Variants in ARHGAP5 observed in about 807,000 individuals in gnomAD.
The protein encoded by ARHGAP5 is rho GTPase-activating protein 5.
A neutral mutation model predicts 116.6 loss-of-function variants in ARHGAP5; 23 were observed. The observed-to-expected ratio is 0.20, with a 90% CI of 0.14 to 0.28. The LOEUF is 0.28. Among genes scored for constraint, ARHGAP5 ranks in the 10% least tolerant of loss-of-function variants. ARHGAP5 has a pLI of 1.00. For missense variants in ARHGAP5, 1,405 were observed against 1,774.8 expected (o/e 0.79, Z 3.74); for synonymous variants, 574 against 602.0 (o/e 0.95, Z 0.68).
chr14:32,154,818 T>C lies in ARHGAP5; in HGVS notation c.4379T>C (p.Ile1460Thr), dbSNP rs202041549. 50 of 1,614,180 alleles carry C rather than the reference T, an allele frequency of 3.1e-5. No individual in the cohort carries two copies. The highest frequency in any genetic ancestry group is 1.8e-4 in the East Asian group (8 of 44,882). The change falls in exon 7 of 7, where the codon ATT becomes ACT. Residue 1460 changes from isoleucine to threonine, a missense_variant. Ile to Thr is a moderately conservative substitution (Grantham distance 89). This residue lies in a region of ARHGAP5 where 85 missense variants were observed against 96.6 expected (regional missense o/e 0.88). Coordinates refer to ENST00000345122, the MANE Select transcript of ARHGAP5 (RefSeq NM_001030055.2). ...GGAGAAATTGTAGAAACGACAAACA[T>C]TGTGGCTCCTCCACCACCTTCAAAC... ...YNGEIVETTN[I>T]VAPPPPSNPG... is the part of the protein sequence containing the mutation.
intron 1 of ARHGAP5, among the ~76,000 whole-genome samples, chr14:32,083,113 T>C (rs2138998812): frequency 6.6e-6 from 1 of 152,370 alleles, no homozygotes; most frequent in South Asian, 2.1e-4. Context: ...AATCCAAATC[T>C]CGTCTATTTT....
chr14:32,090,655 C>A lies in ARHGAP5; in HGVS notation c.-15C>A. On this transcript the variant is annotated 5_prime_UTR_variant, in exon 2 of 7. Transcript: ENST00000345122. ...CTGGTTACCTTTATGAATGTAGAGA[C>A]ATGAGAAGAGAGTTATGATGGCAAA... 1 of 1,565,906 alleles carries A rather than the reference C, an allele frequency of 6.4e-7. No individual in the cohort carries two copies. The highest frequency in any genetic ancestry group is 2.2e-5 in the East Asian group (1 of 44,648).
intron 1 of ARHGAP5, among the ~76,000 whole-genome samples, chr14:32,081,817 C>T (rs538896873): frequency 4.6e-4 from 70 of 152,186 alleles, no homozygotes; most frequent in Middle Eastern, 3.4e-3. Flanking sequence ...AAAATTGTTT[C>T]TTTTTATACT....
chr14:32,090,867 A>G lies in ARHGAP5; in HGVS notation c.198A>G (p.Val66=), dbSNP rs767861732. The change falls in exon 2 of 7, where the codon GTA becomes GTG. Residue 66 remains valine, a synonymous_variant. Coordinates refer to ENST00000345122, the MANE Select transcript of ARHGAP5 (RefSeq NM_001030055.2). ...GCACCATTGACTTTGGAGGACGAGT[A>G]GTAAACAATGATCACTTTTTGTACT... is the stretch of plus-strand genomic sequence containing the variant. ...VLSTIDFGGR[V]VNNDHFLYWG... 5.9e-5 allele frequency: 95 copies of G among 1,613,536 alleles called. No individual in the cohort carries two copies. In the South Asian group the frequency reaches 8.2e-4, roughly 14 times the overall value.
At chr14:32,102,536 C>T (rs1458426234) in intron 2 of ARHGAP5, among the ~76,000 whole-genome samples, 5 of 152,138 alleles carry the variant, frequency 3.3e-5, no homozygotes, top group South Asian at 4.2e-4. Context: ...TGCAACAGAG[C>T]GAGACCCTGT....
chr14:32,126,794 T>G (rs79540981), intron 3 of ARHGAP5, among the ~76,000 whole-genome samples: 92 of 151,628 alleles, frequency 6.1e-4, no homozygotes, highest in South Asian at 4.6e-3. Context: ...TTTCTTTTTT[T>G]GGGGGGGGAG....
At chr14:32,136,604 A>G (rs1228493571) in intron 3 of ARHGAP5, among the ~76,000 whole-genome samples, 1 of 152,132 alleles carries the variant, frequency 6.6e-6, no homozygotes, top group Non-Finnish European at 1.5e-5. Flanking sequence ...CCTGTTTTGA[A>G]TTCTTGAGGG....
intron 3 of ARHGAP5, among the ~76,000 whole-genome samples, chr14:32,138,946 A>G (rs1434326549): frequency 2.6e-5 from 4 of 152,132 alleles, no homozygotes; most frequent in Admixed American, 2.6e-4. Flanking sequence ...TTCTACATCA[A>G]TTGAGATGAT....
chr14:32,128,548 G>T (rs998289504), intron 3 of ARHGAP5, among the ~76,000 whole-genome samples: 3 of 152,216 alleles, frequency 2.0e-5, no homozygotes, highest in African/African-American at 4.8e-5. Flanking sequence ...GCTGAGGCTG[G>T]CCCGCCTCTG....
In ARHGAP5 at chr14:32,117,024, A is replaced by C. The variant is rs116534208; in HGVS notation, c.3718-116A>C. 2,755 of 706,382 alleles carry C rather than the reference A, an allele frequency of 3.9e-3. 45 individuals are homozygous for C. In the African/African-American group the frequency reaches 0.043, roughly 11 times the overall value. The allele number at this position is 706,382 out of a possible 1,614,324, so 43.8% of individuals were successfully genotyped here. On this transcript the variant is annotated intron_variant, in intron 2 of 6. Coordinates refer to ENST00000345122, the MANE Select transcript of ARHGAP5 (RefSeq NM_001030055.2). ...TAGCGAGTCATATTGGTGGACATTT[A>C]GGTTGGATGTGGCTATAAAATTTTT...
Position 32,092,421 on chromosome 14 carries a change from A to G in ARHGAP5, c.1752A>G (p.Leu584=), listed in dbSNP as rs768644105. 9.3e-6 allele frequency: 15 copies of G among 1,613,608 alleles called. No homozygotes were observed. The highest frequency in any genetic ancestry group is 1.2e-5 in the Non-Finnish European group (14 of 1,179,782). Residue 584 remains leucine (L), a synonymous_variant, in exon 2 of 7, where the codon TTA becomes TTG. Transcript: ENST00000345122. This position sits in a 1 kb window ranked among gnomAD's most constrained non-coding sequence, Gnocchi z 4.1. ...TTTTACAGTTGGATCATGGCCGCTT[A>G]AGATTATATCACGATAGTACCAATA... ...SSLLQLDHGR[L]RLYHDSTNID...
At chr14:32,134,636 T>C (rs994600368) in intron 3 of ARHGAP5, among the ~76,000 whole-genome samples, 1 of 152,210 alleles carries the variant, frequency 6.6e-6, no homozygotes, top group African/African-American at 2.4e-5. Context: ...AGGGACAATA[T>C]ATTTTATGTC....
At chr14:32,101,392 A>G (rs1460223043) in intron 2 of ARHGAP5, among the ~76,000 whole-genome samples, 2 of 152,228 alleles carry the variant, frequency 1.3e-5, no homozygotes, top group African/African-American at 2.4e-5. Flanking sequence ...ATATTAATAT[A>G]GTAAATCTTA....
Position 32,146,249 on chromosome 14 carries a change from C to A in ARHGAP5, c.3866-14C>A. 1 of 1,588,348 alleles carries A rather than the reference C, an allele frequency of 6.3e-7. No individual in the cohort carries two copies. Among genetic ancestry groups the A allele is most frequent in the Non-Finnish European group, 8.6e-7 (1 of 1,157,256 alleles). On this transcript the variant is annotated splice_polypyrimidine_tract_variant and intron_variant, in intron 3 of 6. Transcript: ENST00000345122. ...TGTGTTTATTAAAGTATGCATATTT[C>A]TTTATTCTCTTAGGGTTATGTACCG...
At chr14:32,143,406 C>T (rs1432237376) in intron 3 of ARHGAP5, among the ~76,000 whole-genome samples, 1 of 152,096 alleles carries the variant, frequency 6.6e-6, no homozygotes, top group Non-Finnish European at 1.5e-5. Context: ...CCACGCCTGG[C>T]TAATTTTTTT....
intron 1 of ARHGAP5, among the ~76,000 whole-genome samples, chr14:32,087,501 T>C (rs2139007389): frequency 6.7e-6 from 1 of 149,424 alleles, no homozygotes; most frequent in East Asian, 2.0e-4. Flanking sequence ...TTTTTTTTTT[T>C]TCAAACCAAA....
intron 2 of ARHGAP5, among the ~76,000 whole-genome samples, chr14:32,116,884 C>T (rs1201314965): frequency 4.6e-5 from 7 of 152,154 alleles, no homozygotes; most frequent in Admixed American, 2.0e-4. Context: ...TTTCTATTCT[C>T]TCCTGACCTA....
intron 3 of ARHGAP5, among the ~76,000 whole-genome samples, chr14:32,128,928 G>GT (rs1204260605): frequency 6.6e-6 from 1 of 152,184 alleles, no homozygotes; most frequent in East Asian, 1.9e-4. Context: ...TAATGACTGT[G>GT]TTCCCTGGTT....
chr14:32,112,687 G>A (rs1372761540), intron 2 of ARHGAP5, among the ~76,000 whole-genome samples: 7 of 152,098 alleles, frequency 4.6e-5, no homozygotes, highest in Admixed American at 6.5e-5. Context: ...CCTGGCTAAC[G>A]TGGTGAAACC....
Sources: gnomAD v4.1 joint callset for allele counts (sites outside exome capture counted in the v4.1 genomes callset) on GRCh38, gnomAD v4.1.1 for gene constraint, gnomAD v4.1.1 regional missense constraint, Gnocchi (gnomAD v3.1) non-coding constraint, MANE v1.5 for transcripts, NCBI Gene and HGNC (gene_info 2026-07-23, HGNC 2026-07-21) for gene names.